Variants in WWOX observed in about 807,000 individuals in gnomAD.
The protein encoded by WWOX is WW domain containing oxidoreductase.
WWOX carries 69 observed loss-of-function variants against 46.2 expected under a neutral mutation model. The observed-to-expected ratio is 1.49, with a 90% CI of 1.23 to 1.82. The LOEUF (loss-of-function observed/expected upper bound fraction) is 1.82, where lower values mean the gene tolerates loss of function less well. WWOX is among the 40% of genes most tolerant of loss of function. The pLI is 0.00. For synonymous variants in WWOX, 359 were observed against 202.6 expected (o/e 1.77, Z -6.56); for missense variants, 919 against 542.6 (o/e 1.69, Z -6.89).
intron 8 of WWOX, among the ~76,000 whole-genome samples, chr16:78,801,461 A>G (rs767463737): frequency 3.9e-5 from 6 of 152,154 alleles, no homozygotes; most frequent in Non-Finnish European, 7.4e-5. Flanking sequence ...GTAAGCTGAT[A>G]TCATGTCACC....
rs533948920 is a variant in WWOX at position 79,113,300 on chromosome 16, C to T, written c.1057-98308C>T. 2.0e-3 allele frequency among the ~76,000 whole-genome samples: 311 copies of T among 152,204 alleles called. 2 individuals are homozygous for T. Among genetic ancestry groups the T allele is most frequent in the Non-Finnish European group, 3.2e-3 (221 of 68,010 alleles). ...CTGTGGATGACGGGTGAAGAATTCA[C>T]CTGGGAAACTTGGGGAGACCATGTG... is the stretch of plus-strand genomic sequence containing the variant. On this transcript the variant is annotated intron_variant, in intron 8 of 8. Transcript: ENST00000566780.
rs183664942 is a variant in WWOX at position 78,605,894 on chromosome 16, G to C, written c.1056+173142G>C. 1.5e-3 allele frequency among the ~76,000 whole-genome samples: 227 copies of C among 152,238 alleles called. 2 individuals carry two copies. Among genetic ancestry groups the C allele is most frequent in the Non-Finnish European group, 2.4e-3 (164 of 68,014 alleles). On this transcript the variant is annotated intron_variant, in intron 8 of 8. Transcript: ENST00000566780. ...ATTTGGCCCTATAATTAATATGCAA[G>C]TTCAAATACCTCTTGCATGGAGCAA...
rs111327546 is a variant in WWOX, at chr16:78,405,615, A to G, written c.605+18667A>G. ...AAGTATCTTATAAATGTGGAAAACAATGTATATGTGTTTTTTATCTCTCAA... is the reference window on the plus strand; with the variant it reads ...AAGTATCTTATAAATGTGGAAAACAGTGTATATGTGTTTTTTATCTCTCAA... On this transcript the variant is annotated intron_variant, in intron 6 of 8. Transcript: ENST00000566780. 2.4e-3 allele frequency among the ~76,000 whole-genome samples: 367 copies of G among 152,352 alleles called. 3 individuals carry two copies. The highest frequency in any genetic ancestry group is 8.5e-3 in the African/African-American group (352 of 41,578).
intron 8 of WWOX, among the ~76,000 whole-genome samples, chr16:78,838,089 C>G (rs1322901738): frequency 2.6e-5 from 4 of 152,160 alleles, no homozygotes; most frequent in South Asian, 2.1e-4. Context: ...TGCTTTGTCT[C>G]TGGGGTTGTG....
chr16:78,501,698 G>C (rs1028013349), intron 8 of WWOX, among the ~76,000 whole-genome samples: 1 of 151,988 alleles, frequency 6.6e-6, no homozygotes, highest in African/African-American at 2.4e-5. Flanking sequence ...CACCATGCTT[G>C]GGTAATTTTT....
chr16:78,475,551 C>G (rs778789549), intron 8 of WWOX, among the ~76,000 whole-genome samples: 2 of 152,134 alleles, frequency 1.3e-5, no homozygotes, highest in Non-Finnish European at 2.9e-5. Flanking sequence ...CCATGACTTT[C>G]ATCTTGATGG....
Position 78,288,256 on chromosome 16 carries a change from T to G in WWOX, c.517-98604T>G, listed in dbSNP as rs573270980. 4.5e-4 allele frequency among the ~76,000 whole-genome samples: 67 copies of G among 150,338 alleles called. 1 individual carries two copies. Among genetic ancestry groups the G allele is most frequent in the African/African-American group, 1.4e-3 (58 of 40,752 alleles). On this transcript the variant is annotated intron_variant, in intron 5 of 8. Coordinates refer to ENST00000566780, the MANE Select transcript of WWOX (RefSeq NM_016373.4). ...GGCAGGAGACAGTGTGATGAATTAT[T>G]TATGAGTTTACTTTTTTTTTTTTTT...
At chr16:78,993,781 G>T (rs2046935199) in intron 8 of WWOX, among the ~76,000 whole-genome samples, 1 of 152,222 alleles carries the variant, frequency 6.6e-6, no homozygotes, top group Non-Finnish European at 1.5e-5. Context: ...GAGTCCGGGG[G>T]TGGCTTTTCG....
rs1220763671 is a variant in WWOX, at chr16:78,476,492, A to T, written c.1056+43740A>T. ...GAGGGGAGAGGGATAGCATTAGGAGATATACCTAATGTAAATGACGAGTTA... is the reference window on the plus strand; with the variant it reads ...GAGGGGAGAGGGATAGCATTAGGAGTTATACCTAATGTAAATGACGAGTTA... On this transcript the variant is annotated intron_variant, in intron 8 of 8. Coordinates refer to ENST00000566780, the MANE Select transcript of WWOX (RefSeq NM_016373.4). Among the ~76,000 whole-genome samples, 8 of 152,274 alleles carry T rather than the reference A, an allele frequency of 5.3e-5. No individual in the cohort carries two copies. The East Asian group carries it at 1.5e-3, about 29-fold the overall frequency.
intron 5 of WWOX, among the ~76,000 whole-genome samples, chr16:78,353,642 C>G (rs2081226910): frequency 6.6e-6 from 1 of 152,174 alleles, no homozygotes; most frequent in South Asian, 2.1e-4. Flanking sequence ...TTGCCATTAC[C>G]TGCAGTAATA....
intron 8 of WWOX, among the ~76,000 whole-genome samples, chr16:78,446,218 A>G (rs1333022366): frequency 2.0e-5 from 3 of 152,228 alleles, no homozygotes; most frequent in Non-Finnish European, 4.4e-5. Flanking sequence ...ACTTGAGACC[A>G]TGTTCCAGAG....
rs191319645 is a variant in WWOX at position 78,435,688 on chromosome 16, C to G, written c.1056+2936C>G. Among the ~76,000 whole-genome samples, 1,364 of 152,200 alleles carry G rather than the reference C, an allele frequency of 9.0e-3. 12 individuals are homozygous for G. The highest frequency in any genetic ancestry group is 8.0e-3 in the Non-Finnish European group (545 of 68,002). On this transcript the variant is annotated intron_variant, in intron 8 of 8. Transcript: ENST00000566780. ...ACATGACTTCCTGGTGGTGGCAAGA[C>G]AAGAAAGTGGCAACCTGGGACAGTG...
At chr16:78,828,750 A>G (rs752879404) in intron 8 of WWOX, among the ~76,000 whole-genome samples, 8 of 152,130 alleles carry the variant, frequency 5.3e-5, no homozygotes, top group Non-Finnish European at 1.2e-4. Context: ...CTCCAACCCT[A>G]TAAAGTGGGC....
At chr16:78,644,483 C>G (rs1450271238) in intron 8 of WWOX, among the ~76,000 whole-genome samples, 1 of 151,518 alleles carries the variant, frequency 6.6e-6, no homozygotes, top group Non-Finnish European at 1.5e-5. Context: ...CTTTTTGAGA[C>G]AGAGTTTTGC....
chr16:78,419,415 T>C (rs1287093346), intron 6 of WWOX, among the ~76,000 whole-genome samples: 3 of 151,956 alleles, frequency 2.0e-5, no homozygotes, highest in Non-Finnish European at 4.4e-5. Context: ...ATAAAGACAG[T>C]GTCATATTGG....
chr16:78,542,006 AAC>A (rs1365452122), intron 8 of WWOX, among the ~76,000 whole-genome samples: 2 of 138,920 alleles, frequency 1.4e-5, no homozygotes, highest in African/African-American at 5.2e-5. Context: ...GGTTTCTTTC[AAC>A]AGAGTATACC....
chr16:78,167,545 G>A (rs373518033), intron 5 of WWOX: 14 of 152,258 alleles, frequency 9.2e-5, no homozygotes, highest in African/African-American at 3.4e-4. Flanking sequence ...AATACACGTG[G>A]CTCCAGATGT....
intron 8 of WWOX, among the ~76,000 whole-genome samples, chr16:78,579,384 T>C (rs1418170375): frequency 6.6e-6 from 1 of 152,038 alleles, no homozygotes; most frequent in Non-Finnish European, 1.5e-5. Context: ...CTGAGCCAAA[T>C]TGAAGGGTAA....
intron 5 of WWOX, among the ~76,000 whole-genome samples, chr16:78,315,554 G>A (rs1368176961): frequency 6.6e-6 from 1 of 152,162 alleles, no homozygotes; most frequent in Non-Finnish European, 1.5e-5. Context: ...GGAGGCTGAG[G>A]CAGGCGAATC....
Sources: allele counts gnomAD v4.1 joint callset (sites outside exome capture counted in the v4.1 genomes callset), GRCh38; gene constraint gnomAD v4.1.1; transcripts MANE v1.5; gene names NCBI Gene and HGNC (gene_info 2026-07-23, HGNC 2026-07-21).